CACHD1: variants seen among roughly 807,000 people sequenced by gnomAD.
CACHD1 encodes the protein VWFA and cache domain-containing protein 1.
A neutral mutation model predicts 138.7 loss-of-function variants in CACHD1; 71 were observed. The ratio of observed to expected loss-of-function variants is 0.51; its 90% CI spans 0.42 to 0.62. The LOEUF (loss-of-function observed/expected upper bound fraction) is 0.62. CACHD1 is among the 20% of genes least tolerant of loss of function. The pLI is 0.00. For synonymous variants in CACHD1, 578 were observed against 591.5 expected (o/e 0.98, Z 0.33); for missense variants, 1,389 against 1,625.3 (o/e 0.85, Z 2.50).
intron 2 of CACHD1, among the ~76,000 whole-genome samples, chr1:64,561,372 T>C (rs1330867328): frequency 6.6e-6 from 1 of 152,182 alleles, no homozygotes; most frequent in Non-Finnish European, 1.5e-5. Context: ...TGCTCTAAAT[T>C]GCCATATTTA....
intron 2 of CACHD1, among the ~76,000 whole-genome samples, chr1:64,567,374 T>C (rs78614748): frequency 6.6e-6 from 1 of 152,050 alleles, no homozygotes; most frequent in Non-Finnish European, 1.5e-5. Context: ...GTCCCTAGAA[T>C]CCTAACAAAT....
intron 3 of CACHD1, among the ~76,000 whole-genome samples, chr1:64,585,869 A>T (rs572447291): frequency 5.9e-5 from 9 of 152,326 alleles, no homozygotes; most frequent in African/African-American, 2.2e-4. Flanking sequence ...GTTGAACACA[A>T]GCACTTTGTA....
intron 4 of CACHD1, among the ~76,000 whole-genome samples, chr1:64,618,716 T>C (rs1647803101): frequency 6.6e-6 from 1 of 152,220 alleles, no homozygotes; most frequent in Non-Finnish European, 1.5e-5. Flanking sequence ...TATTTTCTTC[T>C]CCTCCAAAAT....
chr1:64,617,388 GC>G (rs1647750772), intron 4 of CACHD1, among the ~76,000 whole-genome samples: 1 of 151,796 alleles, frequency 6.6e-6, no homozygotes, highest in South Asian at 2.1e-4. Context: ...GAGTGGTGGA[GC>G]CCAGAAGTTT....
At chr1:64,610,469 A>T (rs184775488) in intron 4 of CACHD1, among the ~76,000 whole-genome samples, 44 of 152,346 alleles carry the variant, frequency 2.9e-4, no homozygotes, top group African/African-American at 1.0e-3. Flanking sequence ...GACCTGTTAC[A>T]AATGGGAGAA....
intron 1 of CACHD1, among the ~76,000 whole-genome samples, chr1:64,497,680 C>G (rs1646313514): frequency 1.3e-5 from 2 of 152,134 alleles, no homozygotes; most frequent in Non-Finnish European, 2.9e-5. Flanking sequence ...CAGGACACAT[C>G]AGCATATCAA....
chr1:64,675,703 C>A, intron 20 of CACHD1, 142 bp downstream of exon 20: 2 of 1,074,800 alleles, frequency 1.9e-6, no homozygotes, highest in Non-Finnish European at 2.7e-6. Context: ...CCACTTAGAG[C>A]TGTGCCGTTT....
intron 1 of CACHD1, among the ~76,000 whole-genome samples, chr1:64,471,528 GT>G (rs1439394555): frequency 1.5e-3 from 226 of 152,336 alleles, no homozygotes; most frequent in African/African-American, 5.0e-3. Context: ...GGCCCTCCGA[GT>G]GGGCTCCGCG....
intron 3 of CACHD1, among the ~76,000 whole-genome samples, chr1:64,601,849 C>A (rs1388473235): frequency 6.6e-6 from 1 of 152,150 alleles, no homozygotes; most frequent in Non-Finnish European, 1.5e-5. Flanking sequence ...TTTCAAGTTG[C>A]ATTTATGTGA....
At chr1:64,654,545 A>G (rs1649201486) in intron 11 of CACHD1, 141 bp from the exon 12 acceptor site, 1 of 646,846 alleles carries the variant, frequency 1.5e-6, no homozygotes. Flanking sequence ...AAAATCTCAC[A>G]TTATCCTTTC....
Position 64,550,588 on chromosome 1 carries a change from T to A in CACHD1, c.199-6T>A. 6.2e-7 allele frequency: 1 copy of A among 1,605,618 alleles called. No homozygotes were observed. The highest frequency in any genetic ancestry group is 8.5e-7 in the Non-Finnish European group (1 of 1,172,620). On this transcript the variant is annotated splice_region_variant and splice_polypyrimidine_tract_variant and intron_variant, in intron 1 of 26. Coordinates refer to ENST00000651257, the MANE Select transcript of CACHD1 (RefSeq NM_020925.4). ...AAATCTCATGTTCATTTTCTTTTCA[T>A]TGCAGCGGATATTCAACTCCTTTGT...
chr1:64,674,904 A>G (rs962983566), intron 19 of CACHD1, among the ~76,000 whole-genome samples: 10 of 152,238 alleles, frequency 6.6e-5, no homozygotes, highest in South Asian at 2.1e-4. Flanking sequence ...TAAATATTCT[A>G]GAAGCAGAAA....
intron 2 of CACHD1, among the ~76,000 whole-genome samples, chr1:64,555,076 C>G (rs1487263173): frequency 1.3e-5 from 2 of 152,166 alleles, no homozygotes; most frequent in African/African-American, 4.8e-5. Context: ...ACAGCCTCCA[C>G]CTTTGGGGCT....
At chr1:64,686,115 C>A (rs1007797096) in intron 26 of CACHD1, among the ~76,000 whole-genome samples, 2 of 152,170 alleles carry the variant, frequency 1.3e-5, no homozygotes, top group Admixed American at 1.3e-4. Flanking sequence ...TTATGGGAAA[C>A]CCCATGGAGG....
chr1:64,633,785 T>G (rs1306662358), intron 6 of CACHD1, among the ~76,000 whole-genome samples: 1 of 152,182 alleles, frequency 6.6e-6, no homozygotes, highest in Non-Finnish European at 1.5e-5. Flanking sequence ...TGTGTGTGTG[T>G]TTAATGTTAT....
At chr1:64,514,455 C>A (rs1434921393) in intron 1 of CACHD1, among the ~76,000 whole-genome samples, 1 of 152,044 alleles carries the variant, frequency 6.6e-6, no homozygotes, top group Non-Finnish European at 1.5e-5. Context: ...TTTTTTGTAG[C>A]TCGATATAAA....
chr1:64,515,592 G>A (rs1213541266), intron 1 of CACHD1, among the ~76,000 whole-genome samples: 1 of 152,130 alleles, frequency 6.6e-6, no homozygotes, highest in Non-Finnish European at 1.5e-5. Flanking sequence ...CATGAGAAAT[G>A]CTATTATGCA....
chr1:64,664,296 A>G, intron 14 of CACHD1: 2 of 589,276 alleles, frequency 3.4e-6, no homozygotes, highest in Admixed American at 3.0e-5. Context: ...TGAACAATTG[A>G]GTGATCACGC....
chr1:64,532,383 C>T (rs373650343), intron 1 of CACHD1, among the ~76,000 whole-genome samples: 6 of 152,312 alleles, frequency 3.9e-5, no homozygotes, highest in African/African-American at 9.6e-5. Context: ...ATTGTGGAGA[C>T]TGCAGACACG....
Sources: allele counts gnomAD v4.1 joint callset (sites outside exome capture counted in the v4.1 genomes callset), GRCh38; gene constraint gnomAD v4.1.1; transcripts MANE v1.5; gene names NCBI Gene and HGNC (gene_info 2026-07-23, HGNC 2026-07-21).